HMGCLL1: variants seen among roughly 807,000 people sequenced by gnomAD.
HMGCLL1 encodes the protein 3-hydroxy-3-methylglutaryl-CoA lyase like 1, also known as 3-hydroxymethyl-3-methylglutaryl-CoA lyase, cytoplasmic.
A neutral mutation model predicts 39.1 loss-of-function variants in HMGCLL1; 36 were observed. The ratio of observed to expected loss-of-function variants is 0.92; its 90% CI spans 0.71 to 1.22. HMGCLL1 has a LOEUF of 1.22. Ranked by LOEUF, HMGCLL1 falls within the 50% of genes most tolerant of loss-of-function variation. The pLI, the probability that HMGCLL1 is intolerant of heterozygous loss-of-function variation, is 0.00. For missense variants in HMGCLL1, 451 were observed against 416.5 expected, an observed-to-expected ratio of 1.08 and a Z score of -0.72; for synonymous variants, 149 against 144.0, an observed-to-expected ratio of 1.03 and a Z score of -0.25.
At chr6:55,605,426 C>T in the HMGCLL1 span, among the ~76,000 whole-genome samples, 1 of 152,076 alleles carries the variant, frequency 6.6e-6, no homozygotes, top group African/African-American at 2.4e-5. Flanking sequence ...GATATTTCTG[C>T]ATAATAATTA....
chr6:55,587,311 T>C, the HMGCLL1 span, among the ~76,000 whole-genome samples: 1 of 152,090 alleles, frequency 6.6e-6, no homozygotes, highest in Non-Finnish European at 1.5e-5. Context: ...GTCAGATGAA[T>C]AGATTGCAAA....
At chr6:55,616,539 T>C in the HMGCLL1 span, among the ~76,000 whole-genome samples, 1 of 152,206 alleles carries the variant, frequency 6.6e-6, no homozygotes, top group South Asian at 2.1e-4. Context: ...TTTAAGCTAG[T>C]CATTTTGAAG....
Position 55,439,933 on chromosome 6 carries a change from A to G in HMGCLL1, c.796-374T>C, listed in dbSNP as rs188047651. ...TTATTCTAAAAGCATTTTATAAGCA[A>G]CATGAAATATTTTCAACATTCTACT... On this transcript the variant is annotated intron_variant, in intron 7 of 8. Transcript: ENST00000274901. Among the ~76,000 whole-genome samples, 324 of 152,302 alleles carry G rather than the reference A, an allele frequency of 2.1e-3. 2 individuals are homozygous for G. The highest frequency in any genetic ancestry group is 6.8e-3 in the Middle Eastern group (2 of 294).
intron 1 of HMGCLL1, among the ~76,000 whole-genome samples, chr6:55,551,906 T>C (rs1005784924): frequency 6.6e-6 from 1 of 151,948 alleles, no homozygotes; most frequent in Non-Finnish European, 1.5e-5. Context: ...CAGCAGATTT[T>C]ATAGAATTCT....
chr6:55,544,188 G>A (rs1187303127), intron 1 of HMGCLL1, among the ~76,000 whole-genome samples: 1 of 152,020 alleles, frequency 6.6e-6, no homozygotes, highest in Non-Finnish European at 1.5e-5. Context: ...AATCTGAGAT[G>A]GCAAATGGTC....
chr6:55,658,066 T>A, the HMGCLL1 span, among the ~76,000 whole-genome samples: 98,316 of 150,950 alleles, frequency 0.65, 32,181 homozygotes, highest in Middle Eastern at 0.71. Flanking sequence ...AATAAAAATT[T>A]AAAAAAAAAG....
chr6:55,640,503 GTTAA>G, the HMGCLL1 span, among the ~76,000 whole-genome samples: 7 of 151,554 alleles, frequency 4.6e-5, no homozygotes, highest in Non-Finnish European at 8.8e-5. Flanking sequence ...TAATTAATTA[GTTAA>G]TTAATTTAAA....
intron 1 of HMGCLL1, among the ~76,000 whole-genome samples, chr6:55,552,102 TA>T (rs980266292): frequency 2.0e-5 from 3 of 151,866 alleles, no homozygotes; most frequent in South Asian, 4.2e-4. Context: ...AGGGGCATTT[TA>T]AAAAAATGCA....
intron 3 of HMGCLL1, among the ~76,000 whole-genome samples, chr6:55,532,777 G>A (rs1455481882): frequency 2.7e-5 from 4 of 149,012 alleles, no homozygotes. Context: ...CTCTAGCCTG[G>A]GCAACAAAGC....
intron 1 of HMGCLL1, among the ~76,000 whole-genome samples, chr6:55,557,155 C>T (rs904821432): frequency 6.6e-6 from 1 of 152,134 alleles, no homozygotes; most frequent in African/African-American, 2.4e-5. Context: ...ACTGAGAATT[C>T]ATCTACAGAC....
At chr6:55,525,282 C>A (rs1768262279) in intron 3 of HMGCLL1, among the ~76,000 whole-genome samples, 1 of 151,690 alleles carries the variant, frequency 6.6e-6, no homozygotes, top group Non-Finnish European at 1.5e-5. Flanking sequence ...AATGTTTAGG[C>A]TCTAAAACAG....
intron 1 of HMGCLL1, among the ~76,000 whole-genome samples, chr6:55,543,504 AT>A (rs1769758123): frequency 8.8e-5 from 10 of 113,044 alleles, no homozygotes; most frequent in African/African-American, 2.9e-4. Context: ...TATCATATAT[AT>A]CATATATAAT....
the HMGCLL1 span, among the ~76,000 whole-genome samples, chr6:55,661,544 G>T: frequency 6.6e-6 from 1 of 151,764 alleles, no homozygotes. Flanking sequence ...TTATTTCTGG[G>T]CTCTCTATTC....
intron 1 of HMGCLL1, among the ~76,000 whole-genome samples, chr6:55,566,020 C>A (rs925316056): frequency 2.0e-5 from 3 of 152,056 alleles, no homozygotes; most frequent in African/African-American, 7.2e-5. Flanking sequence ...CATCAAAATT[C>A]TCAAAAATGG....
intron 7 of HMGCLL1, among the ~76,000 whole-genome samples, chr6:55,441,750 G>T (rs893261393): frequency 6.6e-6 from 1 of 152,036 alleles, no homozygotes; most frequent in Non-Finnish European, 1.5e-5. Flanking sequence ...GAGTGCAGTG[G>T]TGTTATCTCG....
intron 3 of HMGCLL1, among the ~76,000 whole-genome samples, chr6:55,535,650 G>A (rs1376314805): frequency 6.6e-6 from 1 of 152,088 alleles, no homozygotes; most frequent in Non-Finnish European, 1.5e-5. Context: ...ACCTGTCTGG[G>A]TAAAGGACTC....
rs546362289 is a variant in HMGCLL1 at position 55,555,995 on chromosome 6, A to C, written c.109-13855T>G. Among the ~76,000 whole-genome samples, 3 of 152,192 alleles carry C rather than the reference A, an allele frequency of 2.0e-5. No individual in the cohort carries two copies. In the East Asian group the frequency reaches 5.8e-4, roughly 29 times the overall value. On this transcript the variant is annotated intron_variant, in intron 1 of 8. Transcript: ENST00000274901. ...GCCATAATAAAGATTTTTGACCCTG[A>C]AGGCCAGTATGCAGGATCTTTGCGG...
At chr6:55,596,833 T>G in the HMGCLL1 span, among the ~76,000 whole-genome samples, 1 of 152,180 alleles carries the variant, frequency 6.6e-6, no homozygotes, top group Non-Finnish European at 1.5e-5. Context: ...CAAGTTAGCA[T>G]TTTACATTTA....
intron 3 of HMGCLL1, among the ~76,000 whole-genome samples, chr6:55,535,739 T>A (rs1353023542): frequency 6.6e-6 from 1 of 152,162 alleles, no homozygotes; most frequent in Non-Finnish European, 1.5e-5. Flanking sequence ...AGAGGCCAAC[T>A]CATCTGGATA....
Sources: gnomAD v4.1 joint callset for allele counts (sites outside exome capture counted in the v4.1 genomes callset) on GRCh38, gnomAD v4.1.1 for gene constraint, MANE v1.5 for transcripts, NCBI Gene and HGNC (gene_info 2026-07-23, HGNC 2026-07-21) for gene names.